ZNF423: variants seen among roughly 807,000 people sequenced by gnomAD.
ZNF423 encodes zinc finger protein 423, also known as Ebf-associated zinc finger protein.
Under a neutral mutation model 95.8 loss-of-function variants are expected in ZNF423, and 12 were observed. The ratio of observed to expected loss-of-function variants is 0.13; its 90% CI spans 0.08 to 0.20. The LOEUF (loss-of-function observed/expected upper bound fraction) is 0.20. ZNF423 is among the 10% of genes least tolerant of loss of function. The pLI is 1.00. For synonymous variants in ZNF423, 749 were observed against 711.9 expected, an observed-to-expected ratio of 1.05 and a Z score of -0.83; for missense variants, 1,316 against 1,737.1, an observed-to-expected ratio of 0.76 and a Z score of 4.31.
intron 3 of ZNF423, among the ~76,000 whole-genome samples, chr16:49,662,925 T>C (rs1409386587): frequency 1.3e-5 from 2 of 152,288 alleles, no homozygotes; most frequent in East Asian, 3.9e-4. Flanking sequence ...GGCCAAGCTG[T>C]CATCCAAAAC....
chr16:49,636,765 A>G lies in ZNF423; in HGVS notation c.2411T>C (p.Leu804Pro), dbSNP rs1241777207. ...GCTGTGTGTGGTGATGTGGCACTGC[A>G]GCTCCACCTCGGTGCTGAAGGTCTC... is the stretch of plus-strand genomic sequence containing the variant. ...CGETFSTEVE[L>P]QCHITTHSKK... is the part of the protein sequence containing the mutation. The change falls in exon 4 of 8, where the codon CTG becomes CCG. Residue 804 changes from leucine to proline, a missense_variant. By Grantham distance (98) the Leu-to-Pro change is moderately conservative. Around this residue, in one of 6 missense-constraint regions of ZNF423, gnomAD observed 620 missense variants for 775.6 expected, o/e 0.80. Coordinates refer to ENST00000563137, the MANE Select transcript of ZNF423 (RefSeq NM_001379286.1). The surrounding 1 kb of genome is among the most constrained non-coding windows in gnomAD (Gnocchi z 8.6). 1 of 1,613,890 alleles carries G rather than the reference A, an allele frequency of 6.2e-7. No individual in the cohort carries two copies. The highest frequency in any genetic ancestry group is 8.5e-7 in the Non-Finnish European group (1 of 1,179,986).
chr16:49,694,005 T>A lies in ZNF423; in HGVS notation c.301+36766A>T, dbSNP rs918636525. 2.0e-5 allele frequency among the ~76,000 whole-genome samples: 3 copies of A among 152,212 alleles called. No individual in the cohort carries two copies. The East Asian group carries it at 5.8e-4, about 29-fold the overall frequency. On this transcript the variant is annotated intron_variant, in intron 3 of 7. Coordinates refer to ENST00000563137, the MANE Select transcript of ZNF423 (RefSeq NM_001379286.1). ...CAGGTCAGTAACTTAGTCAAGCTCA[T>A]AGTCAGTGTCAATGCCAAGGCTAGA... is the stretch of plus-strand genomic sequence containing the variant.
At chr16:49,736,410 C>T (rs904718367) in intron 2 of ZNF423, among the ~76,000 whole-genome samples, 1 of 152,174 alleles carries the variant, frequency 6.6e-6, no homozygotes, top group African/African-American at 2.4e-5. Context: ...CACCCAAACC[C>T]AGCTTCCCTG....
At chr16:49,678,520 GC>G (rs1207477265) in intron 3 of ZNF423, among the ~76,000 whole-genome samples, 2 of 152,160 alleles carry the variant, frequency 1.3e-5, no homozygotes, top group African/African-American at 4.8e-5. Flanking sequence ...AAGTGACTGG[GC>G]AAGATGTCAG....
chr16:49,644,828 T>A (rs2151896206), intron 3 of ZNF423, among the ~76,000 whole-genome samples: 1 of 152,114 alleles, frequency 6.6e-6, no homozygotes, highest in Middle Eastern at 3.4e-3. Flanking sequence ...CCCACCTTGG[T>A]CCTGCCCCAA....
At chr16:49,651,192 A>AC (rs1480080828) in intron 3 of ZNF423, among the ~76,000 whole-genome samples, 1 of 106,914 alleles carries the variant, frequency 9.4e-6, no homozygotes, top group African/African-American at 4.4e-5. Flanking sequence ...GGCTAATTTT[A>AC]ATTTTTTTTT....
intron 2 of ZNF423, among the ~76,000 whole-genome samples, chr16:49,783,725 C>A (rs541729763): frequency 1.3e-5 from 2 of 151,916 alleles, no homozygotes; most frequent in Admixed American, 1.3e-4. Flanking sequence ...GCACTGGGAG[C>A]CTTTGGAAGG....
intron 4 of ZNF423, among the ~76,000 whole-genome samples, chr16:49,630,244 G>T (rs917617005): frequency 6.6e-6 from 1 of 152,150 alleles, no homozygotes; most frequent in Non-Finnish European, 1.5e-5. Flanking sequence ...CTTCTCAGGA[G>T]ATGCAGCCCA....
In ZNF423 at chr16:49,652,595, C is replaced by T. The variant is rs1973451160; in HGVS notation, c.302-13721G>A. ...CCCGCCTCTTCACAAGGAGTTGGCG[C>T]CTTGTGAAGTCATCTCCGTGAGCTT... is the stretch of plus-strand genomic sequence containing the variant. On this transcript the variant is annotated intron_variant, in intron 3 of 7. Coordinates refer to ENST00000563137, the MANE Select transcript of ZNF423 (RefSeq NM_001379286.1). 2.0e-5 allele frequency among the ~76,000 whole-genome samples: 3 copies of T among 152,192 alleles called. No homozygotes were observed. The South Asian group carries it at 6.2e-4, about 32-fold the overall frequency.
chr16:49,605,164 C>A (rs1374719482), intron 5 of ZNF423, among the ~76,000 whole-genome samples: 1 of 152,128 alleles, frequency 6.6e-6, no homozygotes, highest in Non-Finnish European at 1.5e-5. Context: ...CAGGTCTCAC[C>A]ACCAGCAGAT....
At chr16:49,673,443 G>A (rs371743465) in intron 3 of ZNF423, among the ~76,000 whole-genome samples, 31 of 152,344 alleles carry the variant, frequency 2.0e-4, no homozygotes, top group African/African-American at 5.8e-4. Flanking sequence ...GGTGTCCAGC[G>A]CTAACCGAGG....
At chr16:49,762,164 A>C (rs145681198) in intron 2 of ZNF423, among the ~76,000 whole-genome samples, 290 of 152,302 alleles carry the variant, frequency 1.9e-3, no homozygotes, top group Non-Finnish European at 3.6e-3. Context: ...CAGCAGGCTG[A>C]GCCTCCGTGC....
chr16:49,725,784 C>T (rs964205127), intron 3 of ZNF423, among the ~76,000 whole-genome samples: 7 of 152,192 alleles, frequency 4.6e-5, no homozygotes, highest in Non-Finnish European at 1.0e-4. Flanking sequence ...GAGGCAACAC[C>T]TGCTCACACA....
intron 1 of ZNF423, chr16:49,827,097 G>C (rs567451299): frequency 5.3e-5 from 8 of 152,228 alleles, no homozygotes; most frequent in African/African-American, 1.4e-4. Context: ...TGAAGGAAAA[G>C]ATATTAAAAA....
intron 5 of ZNF423, among the ~76,000 whole-genome samples, chr16:49,609,653 A>G (rs1277313970): frequency 6.6e-6 from 1 of 152,300 alleles, no homozygotes; most frequent in East Asian, 1.9e-4. Flanking sequence ...TCAGTGAAAT[A>G]GGAGATAGAA....
chr16:49,676,479 T>A (rs1037033020), intron 3 of ZNF423, among the ~76,000 whole-genome samples: 2 of 152,112 alleles, frequency 1.3e-5, no homozygotes, highest in Non-Finnish European at 2.9e-5. Context: ...ATCAGACACA[T>A]GGCCTTCACA....
At chr16:49,650,442 G>A (rs1036067359) in intron 3 of ZNF423, among the ~76,000 whole-genome samples, 3 of 152,186 alleles carry the variant, frequency 2.0e-5, no homozygotes, top group Admixed American at 2.0e-4. Context: ...AGATAAAGGG[G>A]TTCCTAATGT....
At chr16:49,686,285 C>T (rs181812279) in intron 3 of ZNF423, among the ~76,000 whole-genome samples, 4 of 152,254 alleles carry the variant, frequency 2.6e-5, no homozygotes, top group East Asian at 3.9e-4. Context: ...GCTTGAGTCT[C>T]GGGTAGGCAG....
At chr16:49,647,402 C>T (rs1973219686) in intron 3 of ZNF423, among the ~76,000 whole-genome samples, 1 of 152,220 alleles carries the variant, frequency 6.6e-6, no homozygotes, top group African/African-American at 2.4e-5. Flanking sequence ...CAAAGATGTC[C>T]AAGTCTTAAC....
Sources: allele counts gnomAD v4.1 joint callset (sites outside exome capture counted in the v4.1 genomes callset), GRCh38; gene constraint gnomAD v4.1.1; regional missense constraint gnomAD v4.1.1; non-coding constraint Gnocchi (gnomAD v3.1); transcripts MANE v1.5; gene names NCBI Gene and HGNC (gene_info 2026-07-23, HGNC 2026-07-21).